CEP192: variants seen among roughly 807,000 people sequenced by gnomAD.
The protein encoded by CEP192 is centrosomal protein 192, also known as centrosomal protein of 192 kDa.
Under a neutral mutation model 271.8 loss-of-function variants are expected in CEP192, and 151 were observed. The ratio of observed to expected loss-of-function variants is 0.56; its 90% confidence interval spans 0.49 to 0.64. The LOEUF is 0.64. Among genes scored for constraint, CEP192 ranks in the 30% least tolerant of loss-of-function variants. The pLI, the probability that CEP192 is intolerant of heterozygous loss-of-function variation, is 0.00. For synonymous variants in CEP192, 995 were observed against 1,076.5 expected (o/e 0.92, Z 1.48); for missense variants, 2,910 against 3,020.5 (o/e 0.96, Z 0.86).
At chr18:13,029,636 T>C in intron 9 of CEP192, 27 bp from the exon 10 acceptor site, 1 of 1,386,396 alleles carries the variant, frequency 7.2e-7, no homozygotes, top group Non-Finnish European at 9.7e-7. Flanking sequence ...GTTGCTCTGT[T>C]AAAAAATCTG....
intron 27 of CEP192, 90 bp downstream of exon 27, chr18:13,069,946 A>G: frequency 1.4e-6 from 1 of 725,224 alleles, no homozygotes; most frequent in Non-Finnish European, 2.4e-6. Context: ...GGATTACCTG[A>G]GGTCAGGAGT....
chr18:13,120,274 T>C (rs928848862), intron 44 of CEP192, among the ~76,000 whole-genome samples: 1 of 152,252 alleles, frequency 6.6e-6, no homozygotes. Context: ...ACATTTTTAA[T>C]GAGAAACTCA....
At position 13,042,191 on chromosome 18, in the gene CEP192, A is replaced by G. The variant is rs1418188114; in HGVS notation, c.1937-13A>G. On this transcript the variant is annotated splice_polypyrimidine_tract_variant and intron_variant, in intron 14 of 44. Coordinates refer to ENST00000506447, the MANE Select transcript of CEP192 (RefSeq NM_032142.4). ...TGTATACTTATAAGTTGAATATTAT[A>G]TATTTCCTGCAGGAGATTTAAATGA... 5 of 1,606,272 alleles carry G rather than the reference A, an allele frequency of 3.1e-6. No individual in the cohort carries two copies. The highest frequency in any genetic ancestry group is 2.2e-5 in the East Asian group (1 of 44,806).
At chr18:13,053,587 G>T (rs2036919842) in intron 18 of CEP192, among the ~76,000 whole-genome samples, 1 of 152,214 alleles carries the variant, frequency 6.6e-6, no homozygotes. Flanking sequence ...AGAAGTGTAT[G>T]AGGCTAGAAG....
Position 13,015,336 on chromosome 18 carries a change from G to T in CEP192, c.528G>T (p.Val176=). The T allele has an allele frequency of 1.3e-6, 2 of 1,550,816 alleles. No homozygotes were observed. The highest frequency in any genetic ancestry group is 2.4e-5 in the South Asian group (2 of 83,980). Residue 176 remains valine, a synonymous_variant, in exon 6 of 45, where the codon GTG becomes GTT. Coordinates refer to ENST00000506447, the MANE Select transcript of CEP192 (RefSeq NM_032142.4). Reference sequence around the variant, plus strand: ...CATTTTGTTTCTTATAGATTGTTGTGCTTGATGCTGGAAAACATTTTGAAG... The same window carrying T: ...CATTTTGTTTCTTATAGATTGTTGTTCTTGATGCTGGAAAACATTTTGAAG... ...WMNNKEPKIV[V]LDAGKHFEDK...
chr18:13,095,796 C>A, intron 35 of CEP192, 115 bp downstream of exon 35: 1 of 904,436 alleles, frequency 1.1e-6, no homozygotes, highest in Non-Finnish European at 1.7e-6. Flanking sequence ...TGAGCTGTGA[C>A]TTGCCCAGGC....
intron 15 of CEP192, 66 bp downstream of exon 15, chr18:13,042,400 C>CT: frequency 2.0e-6 from 3 of 1,507,912 alleles, no homozygotes; most frequent in Non-Finnish European, 2.7e-6. Flanking sequence ...AGGATCAAGA[C>CT]GAGATCACCT....
rs1358681455 is a variant in CEP192 at position 13,000,104 on chromosome 18, T to C, written c.164+516T>C. 6.4e-4 allele frequency among the ~76,000 whole-genome samples: 92 copies of C among 143,988 alleles called. 2 individuals carry two copies. The highest frequency in any genetic ancestry group is 1.5e-3 in the African/African-American group (58 of 39,382). 94.5% of individuals were successfully genotyped at this position (143,988 alleles called of 152,430 possible). A position where few individuals can be genotyped will look rare whatever the true frequency, so the allele number is the denominator to read the frequency against. ...ATTGTCTTCTCTCTTTTTTTTTTTT[T>C]TTTTTTTTTTTTTTGCTAATTAAAA... On this transcript the variant is annotated intron_variant, in intron 2 of 44. Coordinates refer to ENST00000506447, the MANE Select transcript of CEP192 (RefSeq NM_032142.4).
chr18:13,053,115 TTAC>T (rs745826468), intron 18 of CEP192, 25 bp downstream of exon 18: 1 of 1,566,656 alleles, frequency 6.4e-7, no homozygotes, highest in Non-Finnish European at 8.7e-7. Flanking sequence ...GGATTATTTA[TTAC>T]TAAGGCTTTC....
In CEP192 at chr18:13,029,663, G is replaced by T; in HGVS notation, c.1051G>T (p.Glu351Ter). The T allele has an allele frequency of 6.8e-7, 1 of 1,476,366 alleles. No individual in the cohort carries two copies. The highest frequency in any genetic ancestry group is 9.0e-7 in the Non-Finnish European group (1 of 1,105,558). The allele number at this position is 1,476,366 out of a possible 1,614,324, so 91.5% of individuals were successfully genotyped here. Residue 351 changes from glutamate to a stop codon, truncating the protein, a stop_gained and splice_region_variant, in exon 10 of 45, where the codon GAA (glutamate) becomes TAA (stop). Coordinates refer to ENST00000506447, the MANE Select transcript of CEP192 (RefSeq NM_032142.4). LOFTEE classifies it high-confidence loss of function. Reference protein sequence around the residue: ...LKGIVPDLNSECASKDVLVKT... With the variant: ...LKGIVPDLNS ...AAAAATCTGATTTTTTGTTTTAAAGGAATGTGCAAGTAAAGATGTTCTGGT... is the reference window on the plus strand; with the variant it reads ...AAAAATCTGATTTTTTGTTTTAAAGTAATGTGCAAGTAAAGATGTTCTGGT...
At chr18:13,014,773 C>T (rs1344402100) in intron 5 of CEP192, among the ~76,000 whole-genome samples, 1 of 151,790 alleles carries the variant, frequency 6.6e-6, no homozygotes, top group Non-Finnish European at 1.5e-5. Context: ...CAATATAATT[C>T]CTATGCTGGT....
intron 4 of CEP192, among the ~76,000 whole-genome samples, chr18:13,010,120 G>C (rs2034249144): frequency 6.6e-6 from 1 of 152,140 alleles, no homozygotes; most frequent in Non-Finnish European, 1.5e-5. Flanking sequence ...TCCAGCCTGG[G>C]AGACAGACCC....
At chr18:13,068,768 A>G in intron 24 of CEP192, 84 bp from the exon 25 acceptor site, 4 of 1,448,134 alleles carry the variant, frequency 2.8e-6, no homozygotes, top group Non-Finnish European at 3.9e-6. Context: ...TATTGCCCCT[A>G]AGGGCACTGT....
intron 30 of CEP192, among the ~76,000 whole-genome samples, chr18:13,085,574 A>C (rs2038860490): frequency 6.6e-6 from 1 of 152,168 alleles, no homozygotes; most frequent in Non-Finnish European, 1.5e-5. Flanking sequence ...TTTTTGTATA[A>C]GTTGTAAGGA....
intron 12 of CEP192, among the ~76,000 whole-genome samples, chr18:13,037,958 A>G (rs1185285025): frequency 6.6e-6 from 1 of 152,156 alleles, no homozygotes; most frequent in African/African-American, 2.4e-5. Flanking sequence ...TATTTTGAAG[A>G]TTCAAAATTT....
At position 13,116,443 on chromosome 18, in the gene CEP192, T is replaced by C. The variant is rs1339824674; in HGVS notation, c.7356T>C (p.Ser2452=). 2.5e-6 allele frequency: 4 copies of C among 1,612,218 alleles called. No individual in the cohort carries two copies. The highest frequency in any genetic ancestry group is 3.4e-6 in the Non-Finnish European group (4 of 1,179,460). The change falls in exon 43 of 45, where the codon AGT becomes AGC. Residue 2452 remains serine (S), a synonymous_variant. Transcript: ENST00000506447. The part of the protein sequence containing the change: ...PEDVYRFRPT[S]VGESRTLKVN... ...ATGTGTACAGGTTCCGGCCGACTAG[T>C]GTGGGGGAATCACGGACACTTAAAG...
intron 3 of CEP192, among the ~76,000 whole-genome samples, chr18:13,006,930 T>A (rs545313112): frequency 6.6e-6 from 1 of 152,332 alleles, no homozygotes; most frequent in Admixed American, 6.5e-5. Flanking sequence ...CGTGTGTGCA[T>A]GGCTGTTGTC....
At chr18:13,082,202 G>A (rs944196176) in intron 30 of CEP192, among the ~76,000 whole-genome samples, 3 of 152,058 alleles carry the variant, frequency 2.0e-5, no homozygotes, top group African/African-American at 7.2e-5. Context: ...ATTGACAGTG[G>A]GGTGTTAAAG....
At chr18:13,061,863 C>G (rs1372758588) in intron 21 of CEP192, among the ~76,000 whole-genome samples, 1 of 152,218 alleles carries the variant, frequency 6.6e-6, no homozygotes, top group African/African-American at 2.4e-5. Flanking sequence ...AGTAACGTCT[C>G]CAAACATGGT....
Sources: allele counts gnomAD v4.1 joint callset (sites outside exome capture counted in the v4.1 genomes callset), GRCh38; gene constraint gnomAD v4.1.1; transcripts MANE v1.5; gene names NCBI Gene and HGNC (gene_info 2026-07-23, HGNC 2026-07-21).